Variants in ADCK1 observed in about 807,000 individuals in gnomAD.
ADCK1 encodes aarF domain containing kinase 1.
Under a neutral mutation model 52.3 loss-of-function variants are expected in ADCK1, and 41 were observed. The observed-to-expected ratio is 0.78, with a 90% confidence interval of 0.61 to 1.02. ADCK1 has a LOEUF of 1.02. Among genes scored for constraint, ADCK1 ranks in the 50% least tolerant of loss-of-function variants. The pLI is 0.00. For synonymous variants in ADCK1, 250 were observed against 274.6 expected (o/e 0.91, Z 0.89); for missense variants, 658 against 679.5 (o/e 0.97, Z 0.35).
rs531628265 is a variant in ADCK1 at position 77,931,478 on chromosome 14, A to G, written c.1207-40A>G. On this transcript the variant is annotated intron_variant, in intron 9 of 10. Coordinates refer to ENST00000238561, the MANE Select transcript of ADCK1 (RefSeq NM_020421.4). ...CCTGCCACCCCTGGCCCCACTGCCC[A>G]TACCAACCATCTGTTTCTGTTGCCC... 1.8e-5 allele frequency: 29 copies of G among 1,595,262 alleles called. No homozygotes were observed. The South Asian group carries it at 3.0e-4, about 17-fold the overall frequency.
intron 2 of ADCK1, chr14:77,821,089 C>T (rs1008687003): frequency 4.6e-5 from 7 of 152,296 alleles, no homozygotes; most frequent in East Asian, 1.9e-4. Flanking sequence ...GGAGTTTGAT[C>T]TGTGACTGAC....
At chr14:77,845,252 G>A (rs796198099) in intron 3 of ADCK1, among the ~76,000 whole-genome samples, 11 of 152,292 alleles carry the variant, frequency 7.2e-5, no homozygotes, top group African/African-American at 2.4e-4. Flanking sequence ...AAGCTGTGTG[G>A]CCTTAGCCAA....
chr14:77,816,590 A>C (rs1555346915), intron 1 of ADCK1, among the ~76,000 whole-genome samples: 3 of 152,180 alleles, frequency 2.0e-5, no homozygotes, highest in Non-Finnish European at 1.5e-5. Flanking sequence ...TGGAAGCTTC[A>C]CGCCCTTTCG....
chr14:77,851,144 G>A (rs566777208), intron 3 of ADCK1, among the ~76,000 whole-genome samples: 1 of 149,430 alleles, frequency 6.7e-6, no homozygotes, highest in Non-Finnish European at 1.5e-5. Flanking sequence ...TTGAGACAGA[G>A]TCTTGCTCTG....
intron 4 of ADCK1, among the ~76,000 whole-genome samples, chr14:77,874,607 T>C (rs979544790): frequency 1.3e-5 from 2 of 152,160 alleles, no homozygotes; most frequent in Non-Finnish European, 2.9e-5. Context: ...CAGGGGCTAC[T>C]GTATGTGGAC....
At chr14:77,807,476 G>T (rs1405400575) in intron 1 of ADCK1, among the ~76,000 whole-genome samples, 1 of 151,716 alleles carries the variant, frequency 6.6e-6, no homozygotes, top group Non-Finnish European at 1.5e-5. Context: ...TAAGTAGCTG[G>T]GATTACAGCC....
At chr14:77,833,028 C>G (rs1385554494) in intron 3 of ADCK1, among the ~76,000 whole-genome samples, 1 of 152,174 alleles carries the variant, frequency 6.6e-6, no homozygotes, top group African/African-American at 2.4e-5. Context: ...AAGACTCAAC[C>G]TCTGCCCTCA....
intron 1 of ADCK1, among the ~76,000 whole-genome samples, chr14:77,802,080 C>T (rs1287138982): frequency 6.6e-6 from 1 of 151,862 alleles, no homozygotes; most frequent in Non-Finnish European, 1.5e-5. Flanking sequence ...TGTTCTTGTG[C>T]ACTTTTTGCT....
At chr14:77,833,437 G>C (rs2081898399) in intron 3 of ADCK1, among the ~76,000 whole-genome samples, 1 of 152,210 alleles carries the variant, frequency 6.6e-6, no homozygotes, top group African/African-American at 2.4e-5. Context: ...TGCTATCTTG[G>C]TGACTGGCTT....
At chr14:77,932,642 C>T (rs1342177854) in intron 10 of ADCK1, among the ~76,000 whole-genome samples, 1 of 152,198 alleles carries the variant, frequency 6.6e-6, no homozygotes, top group Non-Finnish European at 1.5e-5. Context: ...AATTAGTTTA[C>T]AGCATAATAT....
intron 6 of ADCK1, among the ~76,000 whole-genome samples, chr14:77,904,201 T>A (rs1156995000): frequency 6.6e-6 from 1 of 152,134 alleles, no homozygotes; most frequent in Non-Finnish European, 1.5e-5. Flanking sequence ...GCAATCGATG[T>A]TTTTTCCAGC....
chr14:77,825,704 C>T lies in ADCK1; in HGVS notation c.219+3186C>T, dbSNP rs1247834948. Among the ~76,000 whole-genome samples, 4 of 147,290 alleles carry T rather than the reference C, an allele frequency of 2.7e-5. No homozygotes were observed. In the South Asian group the frequency reaches 6.4e-4, roughly 24 times the overall value. The stretch of plus-strand genomic sequence containing the variant: ...TCACCCAGGCTGGAGTGCAGTGGTG[C>T]GATCTCGGCTCACTGCAACCTCCGC... On this transcript the variant is annotated intron_variant, in intron 3 of 10. Coordinates refer to ENST00000238561, the MANE Select transcript of ADCK1 (RefSeq NM_020421.4).
At chr14:77,824,387 A>C (rs1464593387) in intron 3 of ADCK1, among the ~76,000 whole-genome samples, 6 of 151,878 alleles carry the variant, frequency 4.0e-5, no homozygotes, top group Admixed American at 3.3e-4. Flanking sequence ...GTCCATATTC[A>C]ATTTCCCTTG....
At chr14:77,859,030 A>G (rs761092410) in intron 3 of ADCK1, 46 bp from the exon 4 acceptor site, 5 of 1,513,884 alleles carry the variant, frequency 3.3e-6, no homozygotes, top group Admixed American at 3.8e-5. Context: ...GGTGTAGGGA[A>G]CAGTCTGCAC....
In ADCK1 at chr14:77,871,365, CT is replaced by C. The variant is rs369449647; in HGVS notation, c.423+12096del. 3.4e-3 allele frequency among the ~76,000 whole-genome samples: 503 copies of C among 149,392 alleles called. 4 individuals are homozygous for C. Among genetic ancestry groups the C allele is most frequent in the East Asian group, 0.032 (165 of 5,126 alleles). ...TCATACACCAACTTCCTAACTTCTT[CT>C]TTTTTTTTTGAGACAGAGTCTCACT... On this transcript the variant is annotated intron_variant, in intron 4 of 10. Coordinates refer to ENST00000238561, the MANE Select transcript of ADCK1 (RefSeq NM_020421.4).
intron 7 of ADCK1, among the ~76,000 whole-genome samples, chr14:77,915,658 G>T (rs2083907195): frequency 1.3e-5 from 2 of 152,160 alleles, no homozygotes; most frequent in Admixed American, 6.5e-5. Flanking sequence ...ACTATCACAA[G>T]GACAAAAGGA....
chr14:77,838,477 G>C (rs1253524786), intron 3 of ADCK1, among the ~76,000 whole-genome samples: 2 of 152,130 alleles, frequency 1.3e-5, no homozygotes, highest in African/African-American at 4.8e-5. Flanking sequence ...GCTCACTGCA[G>C]CCTGGACTTC....
At chr14:77,838,751 G>A (rs1485987878) in intron 3 of ADCK1, among the ~76,000 whole-genome samples, 2 of 152,158 alleles carry the variant, frequency 1.3e-5, no homozygotes, top group Non-Finnish European at 2.9e-5. Flanking sequence ...CCCCCAACAT[G>A]TTATGGGATG....
At chr14:77,853,966 A>G (rs2082365804) in intron 3 of ADCK1, among the ~76,000 whole-genome samples, 1 of 152,194 alleles carries the variant, frequency 6.6e-6, no homozygotes, top group Non-Finnish European at 1.5e-5. Flanking sequence ...TGGGGCATTC[A>G]TCATGTTCAC....
Sources: allele counts gnomAD v4.1 joint callset (sites outside exome capture counted in the v4.1 genomes callset), GRCh38; gene constraint gnomAD v4.1.1; transcripts MANE v1.5; gene names NCBI Gene and HGNC (gene_info 2026-07-23, HGNC 2026-07-21).